The following C8orf74 variants were observed in gnomAD, a reference collection of about 807,000 sequenced individuals.
The protein encoded by C8orf74 is uncharacterized protein C8orf74.
Under a neutral mutation model 22.2 loss-of-function variants are expected in C8orf74, and 29 were observed. The observed-to-expected ratio is 1.31, with a 90% confidence interval of 0.97 to 1.78. C8orf74 has a LOEUF of 1.78. C8orf74 is among the 40% of genes most tolerant of loss of function. C8orf74 has a pLI of 0.00. For missense variants in C8orf74, 515 were observed against 369.9 expected, an observed-to-expected ratio of 1.39 and a Z score of -3.22; for synonymous variants, 255 against 163.1, an observed-to-expected ratio of 1.56 and a Z score of -4.30.
chr8:10,685,930 A>G (rs535014701), intron 2 of C8orf74, among the ~76,000 whole-genome samples: 1 of 152,270 alleles, frequency 6.6e-6, no homozygotes, highest in Admixed American at 6.5e-5. Context: ...TTAGCTGGGC[A>G]TGGTGACATG....
chr8:10,697,900 CGT>C lies in C8orf74; in HGVS notation c.545_546del (p.Val182AlafsTer137). 6.2e-7 allele frequency: 1 copy of C among 1,608,026 alleles called. No homozygotes were observed. Among genetic ancestry groups the C allele is most frequent in the South Asian group, 1.1e-5 (1 of 90,866 alleles). Reference sequence around the variant, plus strand: ...AGGCCGAGGCACAGAAGCGCGCCGACGTGCTGCTCCTGAAAGAGGCGCTGCGC... The same window carrying C: ...AGGCCGAGGCACAGAAGCGCGCCGACGCTGCTCCTGAAAGAGGCGCTGCGC... ...TEAEAQKRAD[V>X]LLLKEALRLE... On this transcript the variant is annotated frameshift_variant, in exon 3 of 4. Transcript: ENST00000304519. LOFTEE classifies it high-confidence loss of function.
intron 2 of C8orf74, among the ~76,000 whole-genome samples, chr8:10,687,449 A>C (rs1299881688): frequency 6.6e-6 from 1 of 152,068 alleles, no homozygotes; most frequent in Non-Finnish European, 1.5e-5. Context: ...CAGGAGTTCA[A>C]GACCAGCCTG....
At chr8:10,685,265 C>A (rs376001334) in intron 2 of C8orf74, among the ~76,000 whole-genome samples, 1 of 152,186 alleles carries the variant, frequency 6.6e-6, no homozygotes, top group African/African-American at 2.4e-5. Context: ...ATGGAAGTGG[C>A]ATATGATTCA....
intron 2 of C8orf74, among the ~76,000 whole-genome samples, chr8:10,681,366 C>A (rs1799144558): frequency 6.6e-6 from 1 of 152,166 alleles, no homozygotes; most frequent in Non-Finnish European, 1.5e-5. Context: ...CCAGCCGTGG[C>A]ACAGAGGGGC....
intron 2 of C8orf74, among the ~76,000 whole-genome samples, chr8:10,697,030 A>G (rs1203750372): frequency 6.6e-6 from 1 of 152,060 alleles, no homozygotes; most frequent in Non-Finnish European, 1.5e-5. Context: ...TCACATTTAC[A>G]TGATTATACT....
chr8:10,700,119 A>C, intron 3 of C8orf74, 116 bp from the exon 4 acceptor site: 1 of 605,178 alleles, frequency 1.7e-6, no homozygotes, highest in Non-Finnish European at 2.7e-6. Flanking sequence ...GCCCGTGGGC[A>C]GGGTGAGACG....
At chr8:10,674,898 G>C in intron 2 of C8orf74, 60 bp downstream of exon 2, 1 of 1,401,256 alleles carries the variant, frequency 7.1e-7, no homozygotes. Flanking sequence ...GGTACACATA[G>C]AACTCCCCTG....
chr8:10,699,054 G>C (rs1216882051), intron 3 of C8orf74, among the ~76,000 whole-genome samples: 2 of 152,158 alleles, frequency 1.3e-5, no homozygotes, highest in African/African-American at 4.8e-5. Context: ...AGTTCACGAA[G>C]ACATTCAATA....
Position 10,697,849 on chromosome 8 carries a change from CG to C in C8orf74, c.493del (p.Glu165SerfsTer7). 2 of 1,613,638 alleles carry C rather than the reference CG, an allele frequency of 1.2e-6. No individual in the cohort carries two copies. Among genetic ancestry groups the C allele is most frequent in the Non-Finnish European group, 1.7e-6 (2 of 1,179,704 alleles). On this transcript the variant is annotated frameshift_variant, in exon 3 of 4. Coordinates refer to ENST00000304519, the MANE Select transcript of C8orf74 (RefSeq NM_001040032.2). LOFTEE classifies it high-confidence loss of function. The stretch of plus-strand genomic sequence containing the variant: ...GCATGGACAGGGACTTGTGGATCCA[CG>C]AGCAGCAGGTGGCCACACTGACGGA... ...EGMDRDLWIH[E>X]QQVATLTEAE...
At chr8:10,684,245 G>C (rs1028717961) in intron 2 of C8orf74, among the ~76,000 whole-genome samples, 1 of 152,194 alleles carries the variant, frequency 6.6e-6, no homozygotes, top group African/African-American at 2.4e-5. Flanking sequence ...ACAATAGAGG[G>C]AAGAACCAGT....
At chr8:10,676,633 T>TC (rs891970426) in intron 2 of C8orf74, among the ~76,000 whole-genome samples, 6 of 152,038 alleles carry the variant, frequency 3.9e-5, no homozygotes, top group Admixed American at 3.3e-4. Flanking sequence ...CACCCAGTGG[T>TC]CCCAGCCTAA....
chr8:10,681,950 G>T (rs1183567900), intron 2 of C8orf74, among the ~76,000 whole-genome samples: 1 of 152,204 alleles, frequency 6.6e-6, no homozygotes, highest in Non-Finnish European at 1.5e-5. Flanking sequence ...GCAGACACCT[G>T]CCCACAGCAG....
chr8:10,700,366 C>T lies in C8orf74; in HGVS notation c.780C>T (p.Asn260=), dbSNP rs371566388. 1.0e-4 allele frequency: 163 copies of T among 1,612,338 alleles called. No individual in the cohort carries two copies. The highest frequency in any genetic ancestry group is 4.9e-4 in the Middle Eastern group (3 of 6,082). Residue 260 remains asparagine, a synonymous_variant, in exon 4 of 4, where the codon AAC becomes AAT. Coordinates refer to ENST00000304519, the MANE Select transcript of C8orf74 (RefSeq NM_001040032.2). ...TTCAGAAGAAGACTCTGAACCTCAA[C>T]GCCCCCACCCCTATCCCGCCCCCCA... is the stretch of plus-strand genomic sequence containing the variant. ...LKLQKKTLNL[N]APTPIPPPIT...
chr8:10,688,712 C>G (rs1205206507), intron 2 of C8orf74: 1 of 152,318 alleles, frequency 6.6e-6, no homozygotes. Flanking sequence ...CTGATGAGGT[C>G]AGGAGGGATG....
intron 2 of C8orf74, among the ~76,000 whole-genome samples, chr8:10,685,262 T>A (rs183519032): frequency 2.6e-5 from 4 of 152,314 alleles, no homozygotes; most frequent in African/African-American, 9.6e-5. Flanking sequence ...ACCATGGAAG[T>A]GGCATATGAT....
chr8:10,685,574 G>C (rs553947667), intron 2 of C8orf74, among the ~76,000 whole-genome samples: 1 of 152,294 alleles, frequency 6.6e-6, no homozygotes, highest in South Asian at 2.1e-4. Context: ...GTCCGTCTAT[G>C]AGGAACACAG....
At chr8:10,675,505 G>T (rs1272875773) in intron 2 of C8orf74, 3 of 152,256 alleles carry the variant, frequency 2.0e-5, no homozygotes, top group Non-Finnish European at 4.4e-5. Context: ...GTGGTGGGCG[G>T]ATGCTTGATG....
intron 2 of C8orf74, among the ~76,000 whole-genome samples, chr8:10,685,943 C>T (rs938684512): frequency 1.3e-5 from 2 of 152,060 alleles, no homozygotes; most frequent in African/African-American, 2.4e-5. Flanking sequence ...GTGACATGTG[C>T]CTGTAGTCCC....
intron 1 of C8orf74, chr8:10,673,796 C>T (rs111899250): frequency 7.6e-4 from 116 of 153,086 alleles, no homozygotes; most frequent in African/African-American, 2.6e-3. Context: ...TGGAGCACCA[C>T]TGTGGGGACC....
Sources: allele counts gnomAD v4.1 joint callset (sites outside exome capture counted in the v4.1 genomes callset), GRCh38; gene constraint gnomAD v4.1.1; transcripts MANE v1.5; gene names NCBI Gene and HGNC (gene_info 2026-07-23, HGNC 2026-07-21).